Variants in STK31 observed in about 807,000 individuals in gnomAD.
STK31 encodes the protein serine/threonine-protein kinase 31.
STK31 carries 89 observed loss-of-function variants against 129.7 expected under a neutral mutation model. The ratio of observed to expected loss-of-function variants is 0.69; its 90% CI spans 0.58 to 0.82. The LOEUF is 0.82. Ranked by LOEUF, STK31 falls within the 40% of genes least tolerant of loss-of-function variation. The pLI is 0.00. For missense variants in STK31, 1,187 were observed against 1,176.4 expected (o/e 1.01, Z -0.13); for synonymous variants, 448 against 395.3 (o/e 1.13, Z -1.58).
At chr7:23,788,641 T>C (rs1194871486) in intron 21 of STK31, among the ~76,000 whole-genome samples, 1 of 152,150 alleles carries the variant, frequency 6.6e-6, no homozygotes, top group Non-Finnish European at 1.5e-5. Flanking sequence ...GATAGCAAAA[T>C]CACACAATTT....
chr7:23,745,424 G>A (rs112430381), intron 8 of STK31, among the ~76,000 whole-genome samples: 61 of 152,336 alleles, frequency 4.0e-4, no homozygotes, highest in African/African-American at 1.4e-3. Flanking sequence ...ACTGGGGAGG[G>A]TGAGGTTGCT....
chr7:23,738,108 C>CA, intron 8 of STK31, among the ~76,000 whole-genome samples: 1 of 152,316 alleles, frequency 6.6e-6, no homozygotes, highest in East Asian at 1.9e-4. Context: ...TCTACCCCCC[C>CA]ACTATAAATT....
At chr7:23,800,228 A>C (rs1282148703) in intron 22 of STK31, among the ~76,000 whole-genome samples, 1 of 152,228 alleles carries the variant, frequency 6.6e-6, no homozygotes, top group African/African-American at 2.4e-5. Context: ...CAATCGCATT[A>C]CTGGGTATAT....
chr7:23,800,257 C>A (rs904067175), intron 22 of STK31, among the ~76,000 whole-genome samples: 5 of 152,178 alleles, frequency 3.3e-5, no homozygotes, highest in African/African-American at 1.2e-4. Context: ...GATTATAAAT[C>A]ATTGTACTAT....
intron 3 of STK31, among the ~76,000 whole-genome samples, chr7:23,714,787 T>G (rs1159413290): frequency 1.3e-5 from 2 of 152,230 alleles, no homozygotes; most frequent in African/African-American, 4.8e-5. Context: ...TCAGCAGTTT[T>G]TTTTTTGTAA....
At chr7:23,754,805 C>A (rs1399642746) in intron 10 of STK31, among the ~76,000 whole-genome samples, 1 of 152,148 alleles carries the variant, frequency 6.6e-6, no homozygotes, top group African/African-American at 2.4e-5. Flanking sequence ...CAGCTTCATC[C>A]ATGTCGTTGC....
chr7:23,815,832 C>A, intron 23 of STK31, among the ~76,000 whole-genome samples: 1 of 151,836 alleles, frequency 6.6e-6, no homozygotes, highest in South Asian at 2.1e-4. Flanking sequence ...AAAAAAAGTA[C>A]TTGGGGGGAA....
chr7:23,766,199 G>T (rs1436413066), intron 11 of STK31, among the ~76,000 whole-genome samples: 1 of 152,146 alleles, frequency 6.6e-6, no homozygotes, highest in Non-Finnish European at 1.5e-5. Context: ...AAAATAGCAA[G>T]TTCAAAGGCC....
rs374281000 is a variant in STK31, at chr7:23,786,024, TAAAG to T, written c.2274+422_2274+425del. Among the ~76,000 whole-genome samples the T allele has an allele frequency of 7.2e-3, 1,097 of 152,142 alleles. 17 individuals are homozygous for T. The highest frequency in any genetic ancestry group is 0.054 in the South Asian group (259 of 4,822). ...AAATAAGTATATAAAAGTCATTAAA[TAAAG>T]CTTTGTCTCACAAGAAAAAAAAATA... is the stretch of plus-strand genomic sequence containing the variant. On this transcript the variant is annotated intron_variant, in intron 18 of 23. Coordinates refer to ENST00000355870, the MANE Select transcript of STK31 (RefSeq NM_031414.5).
At chr7:23,718,087 A>G (rs1165204771) in intron 4 of STK31, among the ~76,000 whole-genome samples, 4 of 152,152 alleles carry the variant, frequency 2.6e-5, no homozygotes, top group South Asian at 2.1e-4. Flanking sequence ...AATGGTCAAG[A>G]TAGTCAATTT....
At chr7:23,716,584 C>G (rs1325431099) in intron 3 of STK31, among the ~76,000 whole-genome samples, 1 of 152,028 alleles carries the variant, frequency 6.6e-6, no homozygotes, top group Non-Finnish European at 1.5e-5. Context: ...TGGAATTCTT[C>G]TGTAAGGAAG....
At position 23,786,593 on chromosome 7, in the gene STK31, A is replaced by G; in HGVS notation, c.2360A>G (p.Asp787Gly). Residue 787 changes from aspartate to glycine, a missense_variant, in exon 19 of 24, where the codon GAC (aspartate) becomes GGC (glycine). Asp to Gly is a moderately conservative substitution (Grantham distance 94, BLOSUM62 -1). Transcript: ENST00000355870. ...YHRAWREAEG[D>G]SGLLPLIFLF... ...AGAGCTTGGAGAGAAGCTGAAGGAG[A>G]CTCAGGGTTACTGCCATTGATATTC... is the stretch of plus-strand genomic sequence containing the variant. The G allele has an allele frequency of 1.2e-6, 2 of 1,613,590 alleles. No homozygotes were observed. Among genetic ancestry groups the G allele is most frequent in the Non-Finnish European group, 1.7e-6 (2 of 1,179,786 alleles).
intron 8 of STK31, among the ~76,000 whole-genome samples, chr7:23,740,494 T>C (rs1787994047): frequency 6.6e-6 from 1 of 152,066 alleles, no homozygotes; most frequent in Non-Finnish European, 1.5e-5. Context: ...GTATTTCTTT[T>C]TTTTGTTTTT....
At position 23,769,647 on chromosome 7, in the gene STK31, A is replaced by C; in HGVS notation, c.1604A>C (p.Asp535Ala). 6.2e-7 allele frequency: 1 copy of C among 1,604,524 alleles called. No individual in the cohort carries two copies. Among genetic ancestry groups the C allele is most frequent in the Non-Finnish European group, 8.5e-7 (1 of 1,174,820 alleles). The change falls in exon 13 of 24, where the codon GAC becomes GCC. Residue 535 changes from aspartate to alanine, a missense_variant. By Grantham distance (126) the Asp-to-Ala change is moderately radical. Transcript: ENST00000355870. ...TTTATTTTTGCAAATGAGGTTTTTG[A>C]CCTATCTGTGGAAGGATCACTGATT... The part of the protein sequence containing the change: ...AWFQRTLKVF[D>A]LSVEGSLISE...
chr7:23,736,452 G>A (rs895931098), intron 7 of STK31, among the ~76,000 whole-genome samples: 1 of 151,802 alleles, frequency 6.6e-6, no homozygotes, highest in Non-Finnish European at 1.5e-5. Context: ...CATGGTCCAA[G>A]CCATGATGCT....
intron 8 of STK31, among the ~76,000 whole-genome samples, chr7:23,750,202 C>A (rs906947575): frequency 1.3e-5 from 2 of 151,962 alleles, no homozygotes; most frequent in Non-Finnish European, 2.9e-5. Flanking sequence ...TGACTGGATG[C>A]CCCTGGAGCT....
intron 17 of STK31, among the ~76,000 whole-genome samples, chr7:23,784,961 T>A (rs1004377051): frequency 6.6e-6 from 1 of 152,230 alleles, no homozygotes; most frequent in Non-Finnish European, 1.5e-5. Context: ...GTCATTATTT[T>A]ACCTTATTTA....
intron 22 of STK31, among the ~76,000 whole-genome samples, chr7:23,796,921 A>G (rs1286840311): frequency 2.1e-5 from 3 of 143,442 alleles, no homozygotes; most frequent in Non-Finnish European, 4.6e-5. Context: ...AGGAATATTT[A>G]CCAAGATAAT....
At chr7:23,790,546 TAA>T (rs1791553710) in intron 21 of STK31, among the ~76,000 whole-genome samples, 1 of 152,144 alleles carries the variant, frequency 6.6e-6, no homozygotes, top group African/African-American at 2.4e-5. Context: ...ATTTATTTTT[TAA>T]AAAGAGTATC....
Sources: allele counts gnomAD v4.1 joint callset (sites outside exome capture counted in the v4.1 genomes callset), GRCh38; gene constraint gnomAD v4.1.1; transcripts MANE v1.5; gene names NCBI Gene and HGNC (gene_info 2026-07-23, HGNC 2026-07-21).